The following NDUFAF5 variants were observed in gnomAD, a reference collection of about 807,000 sequenced individuals.
NDUFAF5 encodes arginine-hydroxylase NDUFAF5, mitochondrial.
In NDUFAF5, 34 loss-of-function variants were observed where a neutral mutation model predicts 48.9. The ratio of observed to expected loss-of-function variants is 0.70; its 90% confidence interval spans 0.53 to 0.93. The LOEUF (loss-of-function observed/expected upper bound fraction) is 0.93. NDUFAF5 is among the 40% of genes least tolerant of loss of function. The probability of loss-of-function intolerance (pLI) is 0.00; values close to 1 mark genes in which losing one functional copy is unlikely to be tolerated. For missense variants in NDUFAF5, 428 were observed against 427.5 expected (o/e 1.00, Z -0.01); for synonymous variants, 153 against 150.6 (o/e 1.02, Z -0.12).
chr20:13,796,212 C>A (rs1385396451), intron 5 of NDUFAF5, among the ~76,000 whole-genome samples: 1 of 152,216 alleles, frequency 6.6e-6, no homozygotes, highest in Non-Finnish European at 1.5e-5. Context: ...TCTGGGAAAG[C>A]TGGTCACCCT....
At chr20:13,787,186 T>G (rs1432219381) in intron 1 of NDUFAF5, 126 bp from the exon 2 acceptor site, 16 of 1,049,200 alleles carry the variant, frequency 1.5e-5, no homozygotes, top group Non-Finnish European at 1.9e-5. Flanking sequence ...AGAAAGTTCC[T>G]GTGGTGAAAT....
intron 7 of NDUFAF5, 165 bp downstream of exon 7, chr20:13,801,848 G>T: frequency 1.6e-6 from 1 of 612,810 alleles, no homozygotes; most frequent in Non-Finnish European, 2.8e-6. Flanking sequence ...TGTTTAGTTT[G>T]TATAACACAT....
intron 7 of NDUFAF5, among the ~76,000 whole-genome samples, chr20:13,807,171 C>T (rs1985149820): frequency 6.6e-6 from 1 of 152,114 alleles, no homozygotes; most frequent in South Asian, 2.1e-4. Flanking sequence ...CTCAGGCTCC[C>T]AAGTAGCTGG....
chr20:13,816,967 C>T lies in NDUFAF5; in HGVS notation c.945+10C>T, dbSNP rs2147630831. 3 of 1,593,842 alleles carry T rather than the reference C, an allele frequency of 1.9e-6. No individual in the cohort carries two copies. The highest frequency in any genetic ancestry group is 8.6e-7 in the Non-Finnish European group (1 of 1,161,614). On this transcript the variant is annotated intron_variant, in intron 10 of 10. Transcript: ENST00000378106. ...ATATCATGAGTCACAGGTAACGTTA[C>T]TAAGATGGATCACTTTTCTTAGTGG...
At chr20:13,793,390 C>T (rs1304726233) in intron 4 of NDUFAF5, among the ~76,000 whole-genome samples, 163 bp downstream of exon 4, 1 of 152,164 alleles carries the variant, frequency 6.6e-6, no homozygotes, top group Non-Finnish European at 1.5e-5. Flanking sequence ...CCCTATCACC[C>T]CTAGTCCTAC....
chr20:13,786,964 C>T (rs571423702), intron 1 of NDUFAF5, among the ~76,000 whole-genome samples: 124 of 152,168 alleles, frequency 8.1e-4, no homozygotes, highest in African/African-American at 2.9e-3. Context: ...CTTTGTGTAC[C>T]TCATGCTAAT....
chr20:13,796,404 C>T (rs1341082506), intron 5 of NDUFAF5, among the ~76,000 whole-genome samples: 1 of 152,166 alleles, frequency 6.6e-6, no homozygotes, highest in Non-Finnish European at 1.5e-5. Flanking sequence ...TTGCTATTTG[C>T]AGGTGACTAA....
intron 2 of NDUFAF5, among the ~76,000 whole-genome samples, chr20:13,788,041 T>A (rs1600316594): frequency 6.6e-6 from 1 of 152,186 alleles, no homozygotes. Flanking sequence ...TGCCCCTTGT[T>A]AGTTGAGGCA....
At position 13,818,495 on chromosome 20, in the gene NDUFAF5, CA is replaced by C. The variant is rs1250373862; in HGVS notation, c.*1291del. On this transcript the variant is annotated 3_prime_UTR_variant, in exon 11 of 11. Coordinates refer to ENST00000378106, the MANE Select transcript of NDUFAF5 (RefSeq NM_024120.5). ...AGAACTTGAAGAGAGAGAACAACAA[CA>C]AAAAACAAACTGCGCTAGCCAGGTG... 1 of 338,274 alleles carries C rather than the reference CA, an allele frequency of 3.0e-6. No individual in the cohort carries two copies. The highest frequency in any genetic ancestry group is 5.7e-6 in the Non-Finnish European group (1 of 176,628). 21.0% of individuals were successfully genotyped at this position (338,274 alleles called of 1,614,324 possible).
At chr20:13,801,335 C>A (rs1984082664) in intron 6 of NDUFAF5, 151 bp from the exon 7 acceptor site, 2 of 481,156 alleles carry the variant, frequency 4.2e-6, no homozygotes, top group South Asian at 4.0e-5. Context: ...CAGTTGGTTG[C>A]ATTAGATGTT....
chr20:13,809,616 C>T (rs1184389479), intron 8 of NDUFAF5, among the ~76,000 whole-genome samples: 1 of 152,174 alleles, frequency 6.6e-6, no homozygotes, highest in Non-Finnish European at 1.5e-5. Flanking sequence ...CTTTATAGGC[C>T]TTGTTAAAAT....
chr20:13,786,335 T>C (rs564587765), intron 1 of NDUFAF5, among the ~76,000 whole-genome samples: 2 of 152,332 alleles, frequency 1.3e-5, no homozygotes, highest in East Asian at 3.9e-4. Flanking sequence ...AAATTTTTTG[T>C]GTCTCACTTG....
chr20:13,801,104 T>G (rs1984045648), intron 6 of NDUFAF5, among the ~76,000 whole-genome samples: 1 of 152,188 alleles, frequency 6.6e-6, no homozygotes, highest in Non-Finnish European at 1.5e-5. Flanking sequence ...ATGAAAGTTG[T>G]TAGAAAACGA....
intron 5 of NDUFAF5, among the ~76,000 whole-genome samples, chr20:13,796,755 G>C (rs1335138867): frequency 6.6e-6 from 1 of 152,216 alleles, no homozygotes; most frequent in Admixed American, 6.5e-5. Flanking sequence ...GAGGCAGGCA[G>C]ATCACTTGAG....
At chr20:13,798,607 T>C (rs1348703896) in intron 6 of NDUFAF5, 107 bp downstream of exon 6, 1 of 922,480 alleles carries the variant, frequency 1.1e-6, no homozygotes, top group East Asian at 2.5e-5. Flanking sequence ...GTCTGACAGT[T>C]GGGAAAGAAA....
chr20:13,817,272 AAAATTATT>A lies in NDUFAF5; in HGVS notation c.*64_*71del, dbSNP rs777329007. The A allele has an allele frequency of 4.0e-5, 49 of 1,232,720 alleles. No homozygotes were observed. Among genetic ancestry groups the A allele is most frequent in the Non-Finnish European group, 5.4e-5 (45 of 832,364 alleles). 76.4% of individuals were successfully genotyped at this position (1,232,720 alleles called of 1,614,324 possible). A position where few individuals can be genotyped will look rare whatever the true frequency, so the allele number is the denominator to read the frequency against. ...TCAGAAATGGATAGCTTTAACATCT[AAAATTATT>A]ATATTTTGAAGCAAGAAGCACTCTA... is the stretch of plus-strand genomic sequence containing the variant. On this transcript the variant is annotated 3_prime_UTR_variant, in exon 11 of 11. Transcript: ENST00000378106.
At chr20:13,814,878 C>G (rs146149921) in intron 8 of NDUFAF5, among the ~76,000 whole-genome samples, 90 of 152,296 alleles carry the variant, frequency 5.9e-4, no homozygotes, top group African/African-American at 2.1e-3. Context: ...ACCACCCTCA[C>G]ACTGCTTCTG....
chr20:13,785,084 G>C lies in NDUFAF5; in HGVS notation c.16G>C (p.Gly6Arg). Residue 6 changes from glycine (G) to arginine (R), a missense_variant, in exon 1 of 11, where the codon GGG becomes CGG. Coordinates refer to ENST00000378106, the MANE Select transcript of NDUFAF5 (RefSeq NM_024120.5). The stretch of plus-strand genomic sequence containing the variant: ...GCAGCTGGAGATGCTGCGGCCGGCA[G>C]GGCTCTGGCGCTTATGTCGGCGACC... MLRPA[G>R]LWRLCRRPWA... is the part of the protein sequence containing the mutation. The C allele has an allele frequency of 6.2e-7, 1 of 1,612,316 alleles. No individual in the cohort carries two copies. Among genetic ancestry groups the C allele is most frequent in the Non-Finnish European group, 8.5e-7 (1 of 1,179,816 alleles).
intron 8 of NDUFAF5, among the ~76,000 whole-genome samples, chr20:13,812,197 T>A (rs946092191): frequency 6.6e-6 from 1 of 152,194 alleles, no homozygotes; most frequent in Non-Finnish European, 1.5e-5. Flanking sequence ...TCGTGCAGCC[T>A]CCTCTGAGTG....
Sources: allele counts gnomAD v4.1 joint callset (sites outside exome capture counted in the v4.1 genomes callset), GRCh38; gene constraint gnomAD v4.1.1; transcripts MANE v1.5; gene names NCBI Gene and HGNC (gene_info 2026-07-23, HGNC 2026-07-21).